The following PECAM1 variants were observed in gnomAD, a reference collection of about 807,000 sequenced individuals.
The protein encoded by PECAM1 is platelet endothelial cell adhesion molecule.
In PECAM1, 8 loss-of-function variants were observed where a neutral mutation model predicts 13.8. The ratio of observed to expected loss-of-function variants is 0.58; its 90% CI spans 0.34 to 1.05. PECAM1 has a LOEUF of 1.05. Ranked by LOEUF, PECAM1 falls within the 50% of genes least tolerant of loss-of-function variation. The pLI, the probability that PECAM1 is intolerant of heterozygous loss-of-function variation, is 0.03. For synonymous variants in PECAM1, 136 were observed against 52.6 expected (o/e 2.58, Z -6.86); for missense variants, 304 against 141.2 (o/e 2.15, Z -5.84).
intron 7 of PECAM1, among the ~76,000 whole-genome samples, chr17:64,359,748 A>C: frequency 8.8e-6 from 1 of 114,264 alleles, no homozygotes; most frequent in Non-Finnish European, 1.9e-5. Flanking sequence ...AGCACCCACT[A>C]CTTCTCTCGC....
At chr17:64,367,855 C>T (rs1462129899) in intron 5 of PECAM1, among the ~76,000 whole-genome samples, 4 of 152,094 alleles carry the variant, frequency 2.6e-5, no homozygotes, top group Admixed American at 6.6e-5. Flanking sequence ...TAAAAAAATA[C>T]CATGAGCCAT....
chr17:64,362,030 C>T (rs1271956378), intron 6 of PECAM1, among the ~76,000 whole-genome samples: 17 of 152,202 alleles, frequency 1.1e-4, no homozygotes, highest in Non-Finnish European at 2.4e-4. Flanking sequence ...GGATAAAACA[C>T]AGCCACAGGT....
At position 64,355,053 on chromosome 17, in the gene PECAM1, C is replaced by G; in HGVS notation, c.1781-13G>C. On this transcript the variant is annotated splice_polypyrimidine_tract_variant and intron_variant, in intron 8 of 15. Coordinates refer to ENST00000563924, the MANE Select transcript of PECAM1 (RefSeq NM_000442.5). ...GGGGCAAGAATGACTGAAAACAAAA[C>G]AAAACAAAAAATTTTTTTTGTATAT... is the stretch of plus-strand genomic sequence containing the variant. The G allele has an allele frequency of 2.1e-6, 1 of 475,202 alleles. No homozygotes were observed. The highest frequency in any genetic ancestry group is 3.1e-5 in the East Asian group (1 of 32,032). The allele number at this position is 475,202 out of a possible 1,614,324, so 29.4% of individuals were successfully genotyped here. A position where few individuals can be genotyped will look rare whatever the true frequency, so the allele number is the denominator to read the frequency against.
chr17:64,381,556 TA>T (rs1442297579), intron 2 of PECAM1, among the ~76,000 whole-genome samples: 5 of 152,220 alleles, frequency 3.3e-5, no homozygotes, highest in African/African-American at 1.2e-4. Flanking sequence ...TTGGGTAATT[TA>T]AAATTTAATC....
rs962535092 is a variant in PECAM1, at chr17:64,351,108, C to T, written c.1991-675G>A. Among the ~76,000 whole-genome samples, 33 of 152,212 alleles carry T rather than the reference C, an allele frequency of 2.2e-4. No homozygotes were observed. The South Asian group carries it at 6.2e-3, about 29-fold the overall frequency. ...GGCCAGGGTGGTTTTGAACTGCTGA[C>T]CTCAAGTGATCCACCTACCTCGGCC... On this transcript the variant is annotated intron_variant, in intron 11 of 15. Coordinates refer to ENST00000563924, the MANE Select transcript of PECAM1 (RefSeq NM_000442.5).
chr17:64,385,629 A>G lies in PECAM1; in HGVS notation c.91+4860T>C, dbSNP rs924806319. On this transcript the variant is annotated intron_variant, in intron 2 of 15. Transcript: ENST00000563924. ...TGCTGGGCTGACAGAGTAAGTAAGA[A>G]ATCATCCTTGCTGTCCCAAACAGCA... 3.9e-5 allele frequency among the ~76,000 whole-genome samples: 6 copies of G among 152,280 alleles called. No homozygotes were observed. In the East Asian group the frequency reaches 9.6e-4, roughly 24 times the overall value.
intron 13 of PECAM1, among the ~76,000 whole-genome samples, chr17:64,343,967 G>A (rs1487206277): frequency 6.6e-6 from 1 of 152,216 alleles, no homozygotes; most frequent in Non-Finnish European, 1.5e-5. Flanking sequence ...CACTGTGGAA[G>A]AGGAAAGGTG....
At chr17:64,331,644 C>A (rs909689940) in intron 14 of PECAM1, among the ~76,000 whole-genome samples, 2 of 152,254 alleles carry the variant, frequency 1.3e-5, no homozygotes, top group Non-Finnish European at 2.9e-5. Context: ...TGATCCCTGC[C>A]TGCATTCATT....
chr17:64,322,383 T>C lies in PECAM1; in HGVS notation c.*1433A>G. On this transcript the variant is annotated 3_prime_UTR_variant, in exon 16 of 16. Coordinates refer to ENST00000563924, the MANE Select transcript of PECAM1 (RefSeq NM_000442.5). ...CCCGGGCAACAAGAGCGAATCTCCG[T>C]CTCAAAACAACAAAACAAAAACATA... is the stretch of plus-strand genomic sequence containing the variant. 1.0e-6 allele frequency: 1 copy of C among 983,452 alleles called. No individual in the cohort carries two copies. Among genetic ancestry groups the C allele is most frequent in the Non-Finnish European group, 1.2e-6 (1 of 827,788 alleles). 60.9% of individuals were successfully genotyped at this position (983,452 alleles called of 1,614,324 possible).
intron 14 of PECAM1, 86 bp downstream of exon 14, chr17:64,341,545 GCTT>G (rs2035430964): frequency 2.4e-6 from 1 of 412,532 alleles, no homozygotes; most frequent in African/African-American, 2.1e-5. Context: ...GGCCTTCTTT[GCTT>G]CTTCTTTTCT....
chr17:64,337,189 C>T (rs1022426257), intron 14 of PECAM1, among the ~76,000 whole-genome samples: 4 of 152,162 alleles, frequency 2.6e-5, no homozygotes, highest in African/African-American at 9.7e-5. Context: ...AACCAGGGCT[C>T]TCTCTACCTT....
intron 14 of PECAM1, among the ~76,000 whole-genome samples, chr17:64,336,720 T>TG (rs1180405438): frequency 6.6e-6 from 1 of 152,052 alleles, no homozygotes; most frequent in Non-Finnish European, 1.5e-5. Flanking sequence ...TAGCTGGGCA[T>TG]GGTGGTGCGT....
intron 5 of PECAM1, among the ~76,000 whole-genome samples, chr17:64,369,318 T>C (rs1181492978): frequency 1.3e-5 from 2 of 152,176 alleles, no homozygotes; most frequent in Non-Finnish European, 2.9e-5. Context: ...AGCATAGTGC[T>C]TGTCACAGGG....
chr17:64,379,278 C>T (rs924262847), intron 2 of PECAM1, among the ~76,000 whole-genome samples: 5 of 152,180 alleles, frequency 3.3e-5, no homozygotes, highest in Admixed American at 6.5e-5. Flanking sequence ...TAACCATAGG[C>T]TGTCAATAGA....
At chr17:64,347,523 C>T (rs1472882500) in intron 13 of PECAM1, among the ~76,000 whole-genome samples, 9 of 127,110 alleles carry the variant, frequency 7.1e-5, no homozygotes, top group South Asian at 2.3e-4. Context: ...AGTGAGACTC[C>T]GTCTCAACAA....
chr17:64,324,287 T>C (rs2034884176), intron 15 of PECAM1, among the ~76,000 whole-genome samples: 1 of 152,162 alleles, frequency 6.6e-6, no homozygotes, highest in Non-Finnish European at 1.5e-5. Flanking sequence ...CAAGCAATTT[T>C]TTTTAGATGG....
intron 5 of PECAM1, among the ~76,000 whole-genome samples, chr17:64,363,986 A>G (rs1286058252): frequency 6.6e-6 from 1 of 152,158 alleles, no homozygotes; most frequent in Non-Finnish European, 1.5e-5. Flanking sequence ...AGCAGAACTG[A>G]AGGAAATAGA....
Position 64,377,981 on chromosome 17 carries a change from A to G in PECAM1, c.228T>C (p.Tyr76=). 3 of 475,374 alleles carry G rather than the reference A, an allele frequency of 6.3e-6. No homozygotes were observed. The highest frequency in any genetic ancestry group is 1.2e-5 in the Non-Finnish European group (3 of 259,042). The allele number at this position is 475,374 out of a possible 1,614,324, so 29.4% of individuals were successfully genotyped here. Residue 76 remains tyrosine, a synonymous_variant, in exon 3 of 16, where the codon TAT becomes TAC. Coordinates refer to ENST00000563924, the MANE Select transcript of PECAM1 (RefSeq NM_000442.5). ...HVKPQHQMLF[Y]KDDVLFYNIS... ...TGTTGTAAAACAGCACGTCATCCTT[A>G]TAGAACAGCATCTGGTGCTGAGGCT...
At chr17:64,358,112 T>TTTTTTG (rs2035888424) in intron 7 of PECAM1, among the ~76,000 whole-genome samples, 1 of 12,944 alleles carries the variant, frequency 7.7e-5, no homozygotes, top group Admixed American at 1.1e-3. Context: ...GGCCACAGTC[T>TTTTTTG]TTTTTTTTTT....
Sources: allele counts gnomAD v4.1 joint callset (sites outside exome capture counted in the v4.1 genomes callset), GRCh38; gene constraint gnomAD v4.1.1; transcripts MANE v1.5; gene names NCBI Gene and HGNC (gene_info 2026-07-23, HGNC 2026-07-21).